Variants in DPYD observed in about 807,000 individuals in gnomAD.
DPYD encodes dihydropyrimidine dehydrogenase.
Under a neutral mutation model 116.2 loss-of-function variants are expected in DPYD, and 109 were observed. That is an observed-to-expected ratio of 0.94 (90% CI 0.80 to 1.10). The LOEUF (loss-of-function observed/expected upper bound fraction) is 1.10. Among genes scored for constraint, DPYD ranks in the 50% least tolerant of loss-of-function variants. The pLI is 0.00. For missense variants in DPYD, 1,302 were observed against 1,254.5 expected (o/e 1.04, Z -0.57); for synonymous variants, 440 against 432.0 (o/e 1.02, Z -0.23).
chr1:97,095,453 A>G (rs932446684), intron 21 of DPYD, among the ~76,000 whole-genome samples: 36 of 152,022 alleles, frequency 2.4e-4, no homozygotes, highest in Non-Finnish European at 5.0e-4. Context: ...AGCCAAACAA[A>G]TTTTAGAGAA....
intron 10 of DPYD, among the ~76,000 whole-genome samples, chr1:97,592,579 G>C (rs2102250071): frequency 6.6e-6 from 1 of 152,270 alleles, no homozygotes; most frequent in South Asian, 2.1e-4. Flanking sequence ...GTGTTAGTCA[G>C]GATGGTCTTG....
chr1:97,198,458 C>A (rs991478031), intron 19 of DPYD, among the ~76,000 whole-genome samples: 3 of 152,092 alleles, frequency 2.0e-5, no homozygotes, highest in Non-Finnish European at 2.9e-5. Context: ...ACTTAGGATG[C>A]AAGTGCACCA....
In DPYD at chr1:97,484,593, C is replaced by G. The variant is rs184401748; in HGVS notation, c.1740+31133G>C. Among the ~76,000 whole-genome samples, 464 of 152,268 alleles carry G rather than the reference C, an allele frequency of 3.0e-3. 5 individuals carry two copies. The highest frequency in any genetic ancestry group is 3.4e-3 in the Non-Finnish European group (228 of 68,022). ...TTGGAAATTCCCTCCTCTTTATTCG[C>G]TCTGACTTCTCCATGTAGCACAACT... On this transcript the variant is annotated intron_variant, in intron 13 of 22. Coordinates refer to ENST00000370192, the MANE Select transcript of DPYD (RefSeq NM_000110.4).
intron 16 of DPYD, among the ~76,000 whole-genome samples, chr1:97,335,004 A>G (rs1032070235): frequency 4.6e-5 from 7 of 152,152 alleles, no homozygotes; most frequent in Non-Finnish European, 8.8e-5. Flanking sequence ...GAACAGACCC[A>G]AAGAGTAGGT....
intron 4 of DPYD, among the ~76,000 whole-genome samples, chr1:97,728,300 A>G (rs150785308): frequency 1.5e-3 from 223 of 152,210 alleles, no homozygotes; most frequent in African/African-American, 5.2e-3. Flanking sequence ...TGGGGTATTT[A>G]AAGCATGTCT....
At chr1:97,235,811 T>C (rs1224476875) in intron 18 of DPYD, among the ~76,000 whole-genome samples, 1 of 152,188 alleles carries the variant, frequency 6.6e-6, no homozygotes, top group Admixed American at 6.5e-5. Flanking sequence ...TTGCTTTTTA[T>C]ATGTACTTCC....
intron 13 of DPYD, among the ~76,000 whole-genome samples, chr1:97,463,244 T>C (rs993722375): frequency 6.6e-6 from 1 of 152,160 alleles, no homozygotes; most frequent in African/African-American, 2.4e-5. Context: ...GGCAAGTCTT[T>C]CCTGTGATGT....
chr1:97,183,840 T>C (rs2101804163), intron 20 of DPYD, among the ~76,000 whole-genome samples: 1 of 152,226 alleles, frequency 6.6e-6, no homozygotes, highest in Non-Finnish European at 1.5e-5. Flanking sequence ...GGGGGTTCAT[T>C]ATACAGGTTA....
At chr1:97,550,956 A>C (rs1651273833) in intron 11 of DPYD, among the ~76,000 whole-genome samples, 1 of 152,202 alleles carries the variant, frequency 6.6e-6, no homozygotes, top group African/African-American at 2.4e-5. Context: ...AGAGTTGTAG[A>C]AAATTATTGA....
intron 16 of DPYD, among the ~76,000 whole-genome samples, chr1:97,306,801 A>G (rs1442358266): frequency 6.6e-6 from 1 of 151,944 alleles, no homozygotes; most frequent in Non-Finnish European, 1.5e-5. Flanking sequence ...TCATCAATCT[A>G]CATGTGATAT....
In DPYD at chr1:97,573,792, C is replaced by T. The variant is rs370569731; in HGVS notation, c.1307G>A (p.Ser436Asn). The T allele has an allele frequency of 1.9e-6, 3 of 1,613,648 alleles. No individual in the cohort carries two copies. Among genetic ancestry groups the T allele is most frequent in the Middle Eastern group, 1.6e-4 (1 of 6,062 alleles). ...ATCACTCAGAACTGAACCAAAGGCA[C>T]TGATGACCACATCGGCTTTCAGATG... ...MVHLKADVVI[S>N]AFGSVLSDPK... is the part of the protein sequence containing the mutation. Residue 436 changes from serine (S) to asparagine (N), a missense_variant, in exon 11 of 23, where the codon AGT becomes AAT. Physicochemically the swap from Ser to Asn is conservative, Grantham distance 46 (BLOSUM62 1). Transcript: ENST00000370192.
intron 5 of DPYD, among the ~76,000 whole-genome samples, chr1:97,715,776 G>A (rs1046347405): frequency 1.1e-4 from 16 of 151,816 alleles, no homozygotes; most frequent in East Asian, 1.9e-4. Context: ...TTTTTAATAC[G>A]GGGCTTGCAC....
At chr1:97,175,159 T>A (rs1657155414) in intron 20 of DPYD, among the ~76,000 whole-genome samples, 1 of 152,196 alleles carries the variant, frequency 6.6e-6, no homozygotes, top group Non-Finnish European at 1.5e-5. Context: ...TCATTAGCAA[T>A]GTATGAATTT....
intron 3 of DPYD, among the ~76,000 whole-genome samples, chr1:97,817,799 CTTG>C (rs1385818481): frequency 6.6e-6 from 1 of 152,026 alleles, no homozygotes; most frequent in East Asian, 1.9e-4. Context: ...TACACAACAG[CTTG>C]TTAACAAGAT....
At chr1:97,604,232 T>A (rs1040077017) in intron 8 of DPYD, among the ~76,000 whole-genome samples, 1 of 152,126 alleles carries the variant, frequency 6.6e-6, no homozygotes, top group African/African-American at 2.4e-5. Flanking sequence ...CTTATATAGC[T>A]ATAAATCCAA....
At chr1:97,314,490 C>CTG (rs1667697917) in intron 16 of DPYD, among the ~76,000 whole-genome samples, 1 of 123,414 alleles carries the variant, frequency 8.1e-6, no homozygotes, top group South Asian at 2.6e-4. Context: ...CTAAAGCTTT[C>CTG]TTTTTTTTTT....
chr1:97,493,054 C>A (rs189050984), intron 13 of DPYD, among the ~76,000 whole-genome samples: 44 of 152,176 alleles, frequency 2.9e-4, no homozygotes, highest in African/African-American at 9.7e-4. Context: ...CTCCCTCACT[C>A]ATCTGTGACA....
chr1:97,522,815 T>G (rs151029041), intron 12 of DPYD, among the ~76,000 whole-genome samples: 1 of 152,288 alleles, frequency 6.6e-6, no homozygotes, highest in African/African-American at 2.4e-5. Context: ...CACATGGCAT[T>G]CCTCAAGTAT....
intron 20 of DPYD, among the ~76,000 whole-genome samples, chr1:97,136,453 C>G (rs1349261492): frequency 6.6e-6 from 1 of 152,134 alleles, no homozygotes; most frequent in African/African-American, 2.4e-5. Context: ...TGTGGACTGC[C>G]TCGCGAATCC....
Sources: gnomAD v4.1 joint callset for allele counts (sites outside exome capture counted in the v4.1 genomes callset) on GRCh38, gnomAD v4.1.1 for gene constraint, MANE v1.5 for transcripts, NCBI Gene and HGNC (gene_info 2026-07-23, HGNC 2026-07-21) for gene names.